DPPA2: variants seen among roughly 807,000 people sequenced by gnomAD.
The protein encoded by DPPA2 is developmental pluripotency-associated protein 2.
A neutral mutation model predicts 36.2 loss-of-function variants in DPPA2; 26 were observed. The ratio of observed to expected loss-of-function variants is 0.72; its 90% CI spans 0.53 to 1.00. The LOEUF (loss-of-function observed/expected upper bound fraction) is 1.00, where lower values mean the gene tolerates loss of function less well. Ranked by LOEUF, DPPA2 falls within the 50% of genes least tolerant of loss-of-function variation. DPPA2 has a pLI of 0.00. For missense variants in DPPA2, 361 were observed against 365.1 expected (o/e 0.99, Z 0.09); for synonymous variants, 113 against 123.2 (o/e 0.92, Z 0.55).
At chr3:109,314,429 TA>T in intron 2 of DPPA2, 80 bp downstream of exon 2, 1 of 1,408,634 alleles carries the variant, frequency 7.1e-7, no homozygotes, top group Non-Finnish European at 9.6e-7. Flanking sequence ...AGATTTGTGG[TA>T]AAAGAGAAAC....
At position 109,304,807 on chromosome 3, in the gene DPPA2, C is replaced by T. The variant is rs1041580858; in HGVS notation, c.659-137G>A. Reference sequence around the variant, plus strand: ...ATGAGATGCATGAAAACCTAGACCACATGACACTATGATCTAATTTCACAA... The same window carrying T: ...ATGAGATGCATGAAAACCTAGACCATATGACACTATGATCTAATTTCACAA... On this transcript the variant is annotated intron_variant, in intron 6 of 8. Coordinates refer to ENST00000478945, the MANE Select transcript of DPPA2 (RefSeq NM_138815.4). 4 of 822,894 alleles carry T rather than the reference C, an allele frequency of 4.9e-6. No homozygotes were observed. In the African/African-American group the frequency reaches 5.2e-5, roughly 11 times the overall value. 51.0% of individuals were successfully genotyped at this position (822,894 alleles called of 1,614,324 possible). A position where few individuals can be genotyped will look rare whatever the true frequency, so the allele number is the denominator to read the frequency against.
At position 109,314,518 on chromosome 3, in the gene DPPA2, T is replaced by G. The variant is rs1707758770; in HGVS notation, c.25A>C (p.Ser9Arg). Residue 9 changes from serine to arginine, a missense_variant, in exon 2 of 9, where the codon AGC becomes CGC. By Grantham distance (110) the Ser-to-Arg change is moderately radical. Transcript: ENST00000478945. Reference sequence around the variant, plus strand: ...ATTAGAATGAAACTTACCTTCTTGCTGCTATCCAAATTTGCATCTGACATT... The same window carrying G: ...ATTAGAATGAAACTTACCTTCTTGCGGCTATCCAAATTTGCATCTGACATT... MSDANLDS[S>R]KKNFLEGEVD... is the part of the protein sequence containing the mutation. 1 of 1,610,690 alleles carries G rather than the reference T, an allele frequency of 6.2e-7. No individual in the cohort carries two copies. Among genetic ancestry groups the G allele is most frequent in the African/African-American group, 1.3e-5 (1 of 74,938 alleles).
intron 8 of DPPA2, among the ~76,000 whole-genome samples, chr3:109,299,586 G>A (rs1395711799): frequency 3.3e-5 from 5 of 150,920 alleles, no homozygotes; most frequent in Admixed American, 1.3e-4. Flanking sequence ...CTTGGGAGGC[G>A]GAGGCAGGCG....
In DPPA2 at chr3:109,293,889, G is replaced by A. The variant is rs1707306559; in HGVS notation, c.*138C>T. ...TCACTAGTCAACCATCTTCACTGTG[G>A]AGTCCTAGTCACTATGATTTTGTTT... On this transcript the variant is annotated 3_prime_UTR_variant, in exon 9 of 9. Coordinates refer to ENST00000478945, the MANE Select transcript of DPPA2 (RefSeq NM_138815.4). The A allele has an allele frequency of 6.6e-6, 1 of 152,176 alleles. No homozygotes were observed. The highest frequency in any genetic ancestry group is 1.5e-5 in the Non-Finnish European group (1 of 68,038). 9.4% of individuals were successfully genotyped at this position (152,176 alleles called of 1,614,324 possible).
intron 2 of DPPA2, 101 bp from the exon 3 acceptor site, chr3:109,312,793 G>A (rs1391302477): frequency 1.8e-5 from 24 of 1,360,216 alleles, no homozygotes; most frequent in East Asian, 2.3e-5. Context: ...GAAGACAGTA[G>A]GTGGATGGAG....
At chr3:109,312,493 G>C in intron 3 of DPPA2, 52 bp downstream of exon 3, 1 of 1,557,396 alleles carries the variant, frequency 6.4e-7, no homozygotes, top group South Asian at 1.2e-5. Context: ...ACTTTTTCCT[G>C]GGCTTCCCAG....
chr3:109,311,012 G>C (rs998247789), intron 3 of DPPA2, among the ~76,000 whole-genome samples: 9 of 151,990 alleles, frequency 5.9e-5, no homozygotes, highest in African/African-American at 2.2e-4. Flanking sequence ...ATGTTGGCCA[G>C]GTTGGTCTTG....
intron 7 of DPPA2, among the ~76,000 whole-genome samples, chr3:109,302,613 C>G (rs1394170243): frequency 6.6e-6 from 1 of 152,026 alleles, no homozygotes; most frequent in Non-Finnish European, 1.5e-5. Context: ...GCCACTACGC[C>G]CAGCTAATTT....
chr3:109,300,923 G>A (rs1427616835), intron 7 of DPPA2, among the ~76,000 whole-genome samples: 2 of 151,100 alleles, frequency 1.3e-5, no homozygotes, highest in East Asian at 1.9e-4. Flanking sequence ...ACTAAATAAA[G>A]GAAAAGGGTT....
intron 7 of DPPA2, among the ~76,000 whole-genome samples, chr3:109,302,642 C>T (rs576795094): frequency 5.3e-5 from 8 of 150,718 alleles, no homozygotes; most frequent in South Asian, 4.2e-4. Flanking sequence ...TTAGTAGAGA[C>T]GGGGTTTCAT....
At chr3:109,312,823 C>A in intron 2 of DPPA2, 131 bp from the exon 3 acceptor site, 1 of 1,172,508 alleles carries the variant, frequency 8.5e-7, no homozygotes, top group Admixed American at 2.5e-5. Context: ...ACTGGGATTC[C>A]TAGAATGTGA....
In DPPA2 at chr3:109,308,175, G is replaced by C. The variant is rs772124874; in HGVS notation, c.515C>G (p.Thr172Ser). 6 of 1,614,038 alleles carry C rather than the reference G, an allele frequency of 3.7e-6. No homozygotes were observed. The Admixed American group carries it at 1.0e-4, about 27-fold the overall frequency. Residue 172 changes from threonine to serine, a missense_variant, in exon 6 of 9, where the codon ACC becomes AGC. Thr to Ser is a moderately conservative substitution (Grantham distance 58, BLOSUM62 1). Transcript: ENST00000478945. ...SYEMNERAEE[T>S]NTVEVITSAP... ...TGAAGTTATCACTTCAACTGTATTG[G>C]TCTCTTCTGCTCTCTCATTCATCTC...
intron 3 of DPPA2, among the ~76,000 whole-genome samples, chr3:109,309,842 G>A (rs9810561): frequency 0.023 from 3,545 of 152,108 alleles, 153 homozygotes; most frequent in African/African-American, 0.081. Context: ...TTGGGAGGCT[G>A]AGGCAAATTC....
At chr3:109,309,121 G>A (rs765088051) in intron 4 of DPPA2, 42 bp from the exon 5 acceptor site, 227 of 1,613,968 alleles carry the variant, frequency 1.4e-4, no homozygotes, top group Non-Finnish European at 1.9e-4. Context: ...AGTTGACAAA[G>A]ACTCCCATAA....
At chr3:109,302,886 T>TATAGTCTATAGTCTAATA (rs1707481321) in intron 7 of DPPA2, among the ~76,000 whole-genome samples, 1 of 152,136 alleles carries the variant, frequency 6.6e-6, no homozygotes, top group Non-Finnish European at 1.5e-5. Flanking sequence ...AAAGCAGTGT[T>TATAGTCTATAGTCTAATA]TATGTGCATG....
At chr3:109,315,804 C>T (rs1041152256) in intron 1 of DPPA2, among the ~76,000 whole-genome samples, 2 of 151,854 alleles carry the variant, frequency 1.3e-5, no homozygotes, top group Non-Finnish European at 2.9e-5. Flanking sequence ...CGAGGAAGGA[C>T]GACCACTTGA....
Position 109,306,675 on chromosome 3 carries a change from C to T in DPPA2, c.658+1357G>A, listed in dbSNP as rs552331362. On this transcript the variant is annotated intron_variant, in intron 6 of 8. Transcript: ENST00000478945. Reference sequence around the variant, plus strand: ...TGGAGTTAAGTTATCCTCAAGATTTCTTAGAGGGCCCCAGGCGCGGTAGCT... The same window carrying T: ...TGGAGTTAAGTTATCCTCAAGATTTTTTAGAGGGCCCCAGGCGCGGTAGCT... 4.6e-5 allele frequency among the ~76,000 whole-genome samples: 7 copies of T among 151,712 alleles called. No homozygotes were observed. The South Asian group carries it at 1.3e-3, about 27-fold the overall frequency.
intron 3 of DPPA2, among the ~76,000 whole-genome samples, chr3:109,310,631 G>A (rs1438217691): frequency 6.9e-5 from 10 of 145,072 alleles, no homozygotes; most frequent in East Asian, 2.1e-4. Flanking sequence ...TCAGCCTCCC[G>A]AGTAGGTGGG....
intron 3 of DPPA2, among the ~76,000 whole-genome samples, chr3:109,310,945 G>C (rs1707698874): frequency 6.6e-6 from 1 of 152,068 alleles, no homozygotes; most frequent in South Asian, 2.1e-4. Flanking sequence ...GGGACTACAG[G>C]CTTGTGCCAC....
Sources: gnomAD v4.1 joint callset for allele counts (sites outside exome capture counted in the v4.1 genomes callset) on GRCh38, gnomAD v4.1.1 for gene constraint, MANE v1.5 for transcripts, NCBI Gene and HGNC (gene_info 2026-07-23, HGNC 2026-07-21) for gene names.